The following ENTPD1 variants were observed in gnomAD, a reference collection of about 807,000 sequenced individuals.
ENTPD1 encodes ATP diphosphohydrolase.
In ENTPD1, 33 loss-of-function variants were observed where a neutral mutation model predicts 57.0. The ratio of observed to expected loss-of-function variants is 0.58; its 90% CI spans 0.44 to 0.77. The LOEUF (loss-of-function observed/expected upper bound fraction) is 0.77. Ranked by LOEUF, ENTPD1 falls within the 30% of genes least tolerant of loss-of-function variation. The probability of loss-of-function intolerance (pLI) is 0.00; values close to 1 mark genes in which losing one functional copy is unlikely to be tolerated. For missense variants in ENTPD1, 501 were observed against 603.4 expected (o/e 0.83, Z 1.78); for synonymous variants, 202 against 218.8 (o/e 0.92, Z 0.68).
chr10:95,866,312 C>T lies in ENTPD1; in HGVS notation c.1462C>T (p.Leu488Phe). Residue 488 changes from leucine (L) to phenylalanine (F), a missense_variant, in exon 10 of 10, where the codon CTT becomes TTT. Physicochemically the swap from Leu to Phe is conservative, Grantham distance 22. Coordinates refer to ENST00000371205, the MANE Select transcript of ENTPD1 (RefSeq NM_001776.6). ...CCTCATGGTTCTATTCTCCCTGGTC[C>T]TTTTCACAGTGGCCATCATAGGCTT... is the stretch of plus-strand genomic sequence containing the variant. ...VFLMVLFSLV[L>F]FTVAIIGLLI... 6.2e-7 allele frequency: 1 copy of T among 1,614,168 alleles called. No homozygotes were observed. The highest frequency in any genetic ancestry group is 1.1e-5 in the South Asian group (1 of 91,090).
chr10:95,806,039 C>T (rs1433541707), intron 1 of ENTPD1, among the ~76,000 whole-genome samples: 2 of 152,146 alleles, frequency 1.3e-5, no homozygotes, highest in Admixed American at 6.5e-5. Flanking sequence ...TGTTGGCCTG[C>T]CTTGCTAGGT....
chr10:95,842,149 T>C (rs1253795434), intron 3 of ENTPD1, among the ~76,000 whole-genome samples, 195 bp from the exon 4 acceptor site: 1 of 152,140 alleles, frequency 6.6e-6, no homozygotes, highest in Non-Finnish European at 1.5e-5. Context: ...CAGACCCAAC[T>C]TAAAGTCTGG....
chr10:95,771,099 TG>T (rs1412987411), intron 1 of ENTPD1, among the ~76,000 whole-genome samples: 1 of 151,892 alleles, frequency 6.6e-6, no homozygotes, highest in Non-Finnish European at 1.5e-5. Flanking sequence ...ATCCATGTTA[TG>T]CATACCAATT....
intron 1 of ENTPD1, among the ~76,000 whole-genome samples, chr10:95,761,544 T>TA (rs1169332377): frequency 6.6e-6 from 1 of 152,158 alleles, no homozygotes; most frequent in East Asian, 1.9e-4. Context: ...CTGCCACTTC[T>TA]AGTCACTGGT....
chr10:95,795,280 A>G (rs1398329626), intron 1 of ENTPD1, among the ~76,000 whole-genome samples: 1 of 151,822 alleles, frequency 6.6e-6, no homozygotes, highest in Non-Finnish European at 1.5e-5. Context: ...ATAAAGGGTG[A>G]GGGTGGGGAA....
chr10:95,796,692 T>A (rs1348599811), intron 1 of ENTPD1, among the ~76,000 whole-genome samples: 1 of 152,126 alleles, frequency 6.6e-6, no homozygotes, highest in African/African-American at 2.4e-5. Context: ...GATGACTATG[T>A]TAGCTTTTAA....
intron 1 of ENTPD1, among the ~76,000 whole-genome samples, chr10:95,789,209 A>G (rs1371677164): frequency 1.3e-5 from 2 of 152,196 alleles, no homozygotes; most frequent in African/African-American, 4.8e-5. Flanking sequence ...AGAGCCCTTG[A>G]CTTTTCTAAA....
chr10:95,806,323 C>G lies in ENTPD1; in HGVS notation c.17-16914C>G, dbSNP rs186607297. On this transcript the variant is annotated intron_variant, in intron 1 of 9. Coordinates refer to ENST00000371205, the MANE Select transcript of ENTPD1 (RefSeq NM_001776.6). ...GTGCATGTGTCACATAGTTCTTGTG[C>G]CATGGTTTTCAGCTCCATCAGGTCA... 3.3e-3 allele frequency among the ~76,000 whole-genome samples: 505 copies of G among 152,292 alleles called. 2 individuals are homozygous for G. The highest frequency in any genetic ancestry group is 0.012 in the African/African-American group (478 of 41,556).
chr10:95,842,114 A>C (rs1269066793), intron 3 of ENTPD1, among the ~76,000 whole-genome samples: 3 of 152,210 alleles, frequency 2.0e-5, no homozygotes, highest in African/African-American at 7.2e-5. Flanking sequence ...TGCGCCATCC[A>C]GTGGCAGAAT....
At chr10:95,806,566 T>G (rs1436234590) in intron 1 of ENTPD1, among the ~76,000 whole-genome samples, 1 of 152,126 alleles carries the variant, frequency 6.6e-6, no homozygotes, top group Non-Finnish European at 1.5e-5. Context: ...GGAGAAGAGG[T>G]GCTCTGGTTT....
chr10:95,854,661 T>A (rs375885733), intron 7 of ENTPD1, among the ~76,000 whole-genome samples: 3 of 152,318 alleles, frequency 2.0e-5, no homozygotes, highest in South Asian at 2.1e-4. Flanking sequence ...TCAAAGAACA[T>A]CTTTATTTCT....
intron 1 of ENTPD1, among the ~76,000 whole-genome samples, chr10:95,733,431 T>C (rs960619131): frequency 6.6e-6 from 1 of 152,176 alleles, no homozygotes; most frequent in African/African-American, 2.4e-5. Flanking sequence ...TGGACATACA[T>C]CCTCAGCTTA....
intron 1 of ENTPD1, among the ~76,000 whole-genome samples, chr10:95,731,482 T>C (rs562783144): frequency 9.4e-4 from 143 of 152,288 alleles, no homozygotes; most frequent in Non-Finnish European, 1.6e-3. Context: ...TGAAAATACC[T>C]GCCACTCTCT....
At position 95,873,255 on chromosome 10, in the gene ENTPD1, T is replaced by C. The variant is rs2098482398; in HGVS notation, c.*6872T>C. On this transcript the variant is annotated 3_prime_UTR_variant, in exon 10 of 10. Coordinates refer to ENST00000371205, the MANE Select transcript of ENTPD1 (RefSeq NM_001776.6). ...CAGTGTTCATCCACTACCTGACTAC[T>C]GTCATTCACAGGCATTCTGTTCCAC... 2 of 985,258 alleles carry C rather than the reference T, an allele frequency of 2.0e-6. No individual in the cohort carries two copies. Among genetic ancestry groups the C allele is most frequent in the Non-Finnish European group, 2.4e-6 (2 of 829,888 alleles). The allele number at this position is 985,258 out of a possible 1,614,324, so 61.0% of individuals were successfully genotyped here.
At chr10:95,781,491 C>T (rs1461380820) in intron 1 of ENTPD1, among the ~76,000 whole-genome samples, 2 of 151,938 alleles carry the variant, frequency 1.3e-5, no homozygotes, top group Non-Finnish European at 2.9e-5. Context: ...TGATGGATAC[C>T]TCATTTATCC....
At chr10:95,741,475 A>G (rs2098000263) in intron 1 of ENTPD1, among the ~76,000 whole-genome samples, 1 of 152,208 alleles carries the variant, frequency 6.6e-6, no homozygotes, top group Non-Finnish European at 1.5e-5. Flanking sequence ...TATTGCAAGG[A>G]TTACCAAGAT....
intron 1 of ENTPD1, among the ~76,000 whole-genome samples, chr10:95,765,749 G>A (rs1297001243): frequency 6.6e-6 from 1 of 152,080 alleles, no homozygotes; most frequent in African/African-American, 2.4e-5. Context: ...TGATAAGATT[G>A]CATCAACTGT....
chr10:95,815,700 G>A (rs774062566), intron 1 of ENTPD1, among the ~76,000 whole-genome samples: 1 of 152,152 alleles, frequency 6.6e-6, no homozygotes, highest in African/African-American at 2.4e-5. Flanking sequence ...GTATCCATAC[G>A]GGTCTGCAGT....
chr10:95,694,789 C>G, the ENTPD1 span, among the ~76,000 whole-genome samples: 3,303 of 151,966 alleles, frequency 0.022, 48 homozygotes, highest in Non-Finnish European at 0.034. Context: ...ATGGGACTTT[C>G]CTTCGGTATT....
Sources: allele counts gnomAD v4.1 joint callset (sites outside exome capture counted in the v4.1 genomes callset), GRCh38; gene constraint gnomAD v4.1.1; transcripts MANE v1.5; gene names NCBI Gene and HGNC (gene_info 2026-07-23, HGNC 2026-07-21).